PKP2: variants seen among roughly 807,000 people sequenced by gnomAD.
The protein encoded by PKP2 is plakophilin 2, also known as plakophilin-2.
A neutral mutation model predicts 83.4 loss-of-function variants in PKP2; 73 were observed. The ratio of observed to expected loss-of-function variants is 0.88; its 90% CI spans 0.72 to 1.06. The LOEUF (loss-of-function observed/expected upper bound fraction) is 1.06. Among genes scored for constraint, PKP2 ranks in the 50% least tolerant of loss-of-function variants. The pLI is 0.00. For missense variants in PKP2, 966 were observed against 1,065.4 expected (o/e 0.91, Z 1.30); for synonymous variants, 409 against 430.4 (o/e 0.95, Z 0.62).
chr12:32,807,267 T>C (rs940815879), intron 9 of PKP2, among the ~76,000 whole-genome samples: 3 of 152,230 alleles, frequency 2.0e-5, no homozygotes, highest in Non-Finnish European at 4.4e-5. Flanking sequence ...AATTGAACCC[T>C]TTACCATTAT....
rs141555373 is a variant in PKP2, at chr12:32,823,330, T to C, written c.1675-699A>G. On this transcript the variant is annotated intron_variant, in intron 7 of 12. Transcript: ENST00000340811. ...TATTTGGGAAGCTGAGGCAGGAGAA[T>C]TGCTTGAACCCAGGAGGCAGTGGTT... is the stretch of plus-strand genomic sequence containing the variant. Among the ~76,000 whole-genome samples the C allele has an allele frequency of 1.3e-3, 190 of 150,696 alleles. 1 individual carries two copies. The East Asian group carries it at 0.025, about 20-fold the overall frequency.
At chr12:32,883,676 C>T (rs1006768520) in intron 1 of PKP2, among the ~76,000 whole-genome samples, 1 of 152,112 alleles carries the variant, frequency 6.6e-6, no homozygotes, top group Non-Finnish European at 1.5e-5. Context: ...AGGCATCTTC[C>T]CTACATTGAA....
chr12:32,844,420 T>C (rs1015024126), intron 5 of PKP2, among the ~76,000 whole-genome samples: 2 of 151,964 alleles, frequency 1.3e-5, no homozygotes, highest in African/African-American at 4.8e-5. Flanking sequence ...AGTAGAAAAA[T>C]TGGGAAGGTA....
At chr12:32,826,199 G>A (rs937172259) in intron 6 of PKP2, among the ~76,000 whole-genome samples, 29 of 151,574 alleles carry the variant, frequency 1.9e-4, no homozygotes, top group South Asian at 6.3e-4. Context: ...CCAGCTACTC[G>A]GGAAGCTGAG....
chr12:32,879,504 C>T, intron 1 of PKP2, among the ~76,000 whole-genome samples: 1 of 151,964 alleles, frequency 6.6e-6, no homozygotes, highest in East Asian at 1.9e-4. Context: ...TGCACTCCAG[C>T]CTGGGCAACA....
chr12:32,891,778 T>C (rs868850557), intron 1 of PKP2, among the ~76,000 whole-genome samples: 3 of 152,328 alleles, frequency 2.0e-5, no homozygotes, highest in South Asian at 4.1e-4. Flanking sequence ...TGTGGTTTCT[T>C]ACAGTTCCAC....
At chr12:32,829,773 TCCTC>T (rs980752579) in intron 6 of PKP2, among the ~76,000 whole-genome samples, 2 of 151,808 alleles carry the variant, frequency 1.3e-5, no homozygotes, top group African/African-American at 4.8e-5. Context: ...GGGTTCTCCT[TCCTC>T]AGCCTCCTGA....
intron 4 of PKP2, among the ~76,000 whole-genome samples, chr12:32,853,723 C>G (rs1433173552): frequency 6.6e-6 from 1 of 152,130 alleles, no homozygotes; most frequent in African/African-American, 2.4e-5. Context: ...GTTGGCCAGG[C>G]TGGTCTCGAA....
At chr12:32,817,184 AG>A (rs1164290919) in intron 9 of PKP2, among the ~76,000 whole-genome samples, 1 of 152,260 alleles carries the variant, frequency 6.6e-6, no homozygotes, top group East Asian at 1.9e-4. Context: ...CAATGGGGAA[AG>A]GACTCCCTAT....
intron 1 of PKP2, among the ~76,000 whole-genome samples, chr12:32,889,413 T>C (rs1957058471): frequency 6.6e-6 from 1 of 152,118 alleles, no homozygotes; most frequent in African/African-American, 2.4e-5. Flanking sequence ...TGGATTGGAG[T>C]GGGGCCACGT....
intron 6 of PKP2, 30 bp from the exon 7 acceptor site, chr12:32,824,192 A>C (rs1461605660): frequency 1.4e-6 from 2 of 1,432,030 alleles, no homozygotes; most frequent in African/African-American, 2.8e-5. Flanking sequence ...ACAAAAAAGT[A>C]AGTCTAGGCT....
chr12:32,835,486 G>A (rs1956537015), intron 6 of PKP2, among the ~76,000 whole-genome samples: 1 of 150,966 alleles, frequency 6.6e-6, no homozygotes, highest in Non-Finnish European at 1.5e-5. Flanking sequence ...AAATAAAGGA[G>A]GCTGTGAAAA....
chr12:32,811,216 C>T (rs951284108), intron 9 of PKP2, among the ~76,000 whole-genome samples: 1 of 152,186 alleles, frequency 6.6e-6, no homozygotes, highest in Admixed American at 6.5e-5. Context: ...AGTGAGGACA[C>T]AAGTTTTTAT....
intron 5 of PKP2, among the ~76,000 whole-genome samples, 157 bp downstream of exon 5, chr12:32,850,609 C>A (rs1055951321): frequency 6.6e-6 from 1 of 151,674 alleles, no homozygotes; most frequent in African/African-American, 2.4e-5. Flanking sequence ...AATCTGGAGT[C>A]TAAGCCAGCA....
In PKP2 at chr12:32,878,422, T is replaced by C; in HGVS notation, c.458A>G (p.Asp153Gly). 6.2e-7 allele frequency: 1 copy of C among 1,613,984 alleles called. No homozygotes were observed. The highest frequency in any genetic ancestry group is 8.5e-7 in the Non-Finnish European group (1 of 1,179,868). Reference protein sequence around the residue: ...HPLRRLEISPDSSPERAHYTH... With the variant: ...HPLRRLEISPGSSPERAHYTH... ...GTAGTGAGCCCTCTCCGGGCTGCTG[T>C]CAGGAGAAATCTCCAGTCTCCTCAG... The change falls in exon 3 of 13, where the codon GAC (aspartate) becomes GGC (glycine). Residue 153 changes from aspartate to glycine, a missense_variant. Coordinates refer to ENST00000340811, the MANE Select transcript of PKP2 (RefSeq NM_001005242.3).
At chr12:32,829,689 C>G (rs536596729) in intron 6 of PKP2, among the ~76,000 whole-genome samples, 100 of 151,910 alleles carry the variant, frequency 6.6e-4, no homozygotes, top group Non-Finnish European at 1.2e-3. Context: ...GAGATGGAGT[C>G]TCACTGTGTT....
rs1956070244 is a variant in PKP2 at position 32,791,872 on chromosome 12, C to G, written c.*552G>C. The G allele has an allele frequency of 6.2e-6, 1 of 161,736 alleles. No homozygotes were observed. 10.0% of individuals were successfully genotyped at this position (161,736 alleles called of 1,614,324 possible). On this transcript the variant is annotated 3_prime_UTR_variant, in exon 13 of 13. Coordinates refer to ENST00000340811, the MANE Select transcript of PKP2 (RefSeq NM_001005242.3). ...TTATTTAAAAATCAGAGAAAAACAA[C>G]CCAAGGGGATAAAAACAAGCACAAA...
chr12:32,894,715 TC>T, intron 1 of PKP2: 1 of 152,300 alleles, frequency 6.6e-6, no homozygotes, highest in East Asian at 1.9e-4. Context: ...AGAAAGAATA[TC>T]TAATATGCCT....
intron 3 of PKP2, among the ~76,000 whole-genome samples, 179 bp downstream of exon 3, chr12:32,877,667 G>A (rs1956942794): frequency 6.6e-6 from 1 of 152,178 alleles, no homozygotes. Flanking sequence ...CTTGGCCCCT[G>A]TCCCTGAGGT....
Sources: allele counts gnomAD v4.1 joint callset (sites outside exome capture counted in the v4.1 genomes callset), GRCh38; gene constraint gnomAD v4.1.1; transcripts MANE v1.5; gene names NCBI Gene and HGNC (gene_info 2026-07-23, HGNC 2026-07-21).